WDPCP: variants seen among roughly 807,000 people sequenced by gnomAD.
WDPCP encodes the protein WD repeat-containing and planar cell polarity effector protein fritz homolog.
A neutral mutation model predicts 93.1 loss-of-function variants in WDPCP; 71 were observed. That is an observed-to-expected ratio of 0.76 (90% CI 0.63 to 0.93). WDPCP has a LOEUF of 0.93. WDPCP is among the 40% of genes least tolerant of loss of function. The probability of loss-of-function intolerance (pLI) is 0.00; values close to 1 mark genes in which losing one functional copy is unlikely to be tolerated. For missense variants in WDPCP, 844 were observed against 887.4 expected (o/e 0.95, Z 0.62); for synonymous variants, 315 against 315.0 (o/e 1.00, Z 0.00).
chr2:63,657,957 G>A (rs931418356), intron 2 of WDPCP, among the ~76,000 whole-genome samples: 1 of 152,056 alleles, frequency 6.6e-6, no homozygotes, highest in Admixed American at 6.6e-5. Context: ...AATTTAAAAG[G>A]TTCCATCAAA....
intron 17 of WDPCP, among the ~76,000 whole-genome samples, chr2:63,125,527 A>G (rs985301348): frequency 2.6e-5 from 4 of 152,202 alleles, no homozygotes; most frequent in Admixed American, 2.0e-4. Flanking sequence ...TCCTGGGCTC[A>G]AGCACTTCCC....
chr2:63,428,357 T>G (rs920980730), intron 9 of WDPCP, among the ~76,000 whole-genome samples: 1 of 152,004 alleles, frequency 6.6e-6, no homozygotes, highest in African/African-American at 2.4e-5. Flanking sequence ...GAAAACCAAA[T>G]CCAGCAGTAC....
chr2:63,127,879 A>G (rs1670030023), intron 17 of WDPCP, among the ~76,000 whole-genome samples: 1 of 151,786 alleles, frequency 6.6e-6, no homozygotes, highest in Non-Finnish European at 1.5e-5. Context: ...GTGGCTCACG[A>G]CTGTAATCCC....
intron 13 of WDPCP, among the ~76,000 whole-genome samples, chr2:63,260,347 A>G (rs1681522272): frequency 6.6e-6 from 1 of 152,264 alleles, no homozygotes; most frequent in Non-Finnish European, 1.5e-5. Flanking sequence ...TGGGAAAAGA[A>G]TATGAACAAC....
intron 17 of WDPCP, among the ~76,000 whole-genome samples, chr2:63,146,752 T>G (rs1473072942): frequency 6.6e-6 from 1 of 152,162 alleles, no homozygotes; most frequent in African/African-American, 2.4e-5. Flanking sequence ...GCAACTTACT[T>G]TGAAATGTAT....
chr2:63,654,126 C>G (rs1710139313), intron 2 of WDPCP, among the ~76,000 whole-genome samples: 1 of 151,672 alleles, frequency 6.6e-6, no homozygotes, highest in South Asian at 2.1e-4. Flanking sequence ...GACACAGAAA[C>G]CTTGGGGTAA....
At chr2:63,381,735 T>C (rs1207172385) in intron 11 of WDPCP, among the ~76,000 whole-genome samples, 171 bp downstream of exon 11, 2 of 152,190 alleles carry the variant, frequency 1.3e-5, no homozygotes, top group Non-Finnish European at 2.9e-5. Flanking sequence ...CAGTAAGTAC[T>C]ATATGGGAGC....
At chr2:63,434,046 T>C (rs1696963206) in intron 8 of WDPCP, 110 bp from the exon 9 acceptor site, 1 of 1,117,328 alleles carries the variant, frequency 8.9e-7, no homozygotes, top group South Asian at 1.4e-5. Context: ...CAAGTAAATA[T>C]GCATGTTAAA....
At chr2:63,529,609 C>T (rs576552846) in intron 1 of WDPCP, among the ~76,000 whole-genome samples, 12 of 152,258 alleles carry the variant, frequency 7.9e-5, no homozygotes, top group South Asian at 2.1e-4. Context: ...CTGCTGGATT[C>T]GGTTTGCCAG....
chr2:63,131,119 G>A (rs1400480862), intron 17 of WDPCP, among the ~76,000 whole-genome samples: 2 of 152,090 alleles, frequency 1.3e-5, no homozygotes, highest in Admixed American at 1.3e-4. Context: ...GAGTGTTAGA[G>A]TTTTTAAAAA....
chr2:63,742,941 G>A (rs777818216), intron 2 of WDPCP, among the ~76,000 whole-genome samples: 8 of 151,842 alleles, frequency 5.3e-5, no homozygotes, highest in Admixed American at 1.3e-4. Context: ...GACACATGAC[G>A]CAGGTGAACG....
chr2:63,535,712 C>T (rs991379363), intron 1 of WDPCP, among the ~76,000 whole-genome samples: 5 of 152,152 alleles, frequency 3.3e-5, no homozygotes, highest in Admixed American at 6.5e-5. Context: ...AAAATTAATT[C>T]GAGATGGATT....
In WDPCP at chr2:63,334,305, C is replaced by T. The variant is rs535902421; in HGVS notation, c.1749-20994G>A. ...GTTTATTCTGCCAAAGTTGAGGATG[C>T]GTGCCTGTAACACAGCATCAGAAGG... is the stretch of plus-strand genomic sequence containing the variant. On this transcript the variant is annotated intron_variant, in intron 12 of 17. Transcript: ENST00000272321. Among the ~76,000 whole-genome samples the T allele has an allele frequency of 2.0e-4, 30 of 152,228 alleles. 1 individual carries two copies. Among genetic ancestry groups the T allele is most frequent in the African/African-American group, 5.3e-4 (22 of 41,536 alleles).
chr2:63,412,977 C>T (rs563101877), intron 9 of WDPCP, among the ~76,000 whole-genome samples: 1 of 152,248 alleles, frequency 6.6e-6, no homozygotes, highest in South Asian at 2.1e-4. Context: ...AATCCAATCC[C>T]CATCAAAATA....
chr2:63,429,945 T>C (rs968392952), intron 9 of WDPCP, among the ~76,000 whole-genome samples: 1 of 149,542 alleles, frequency 6.7e-6, no homozygotes, highest in African/African-American at 2.5e-5. Context: ...CAGGTGCCCA[T>C]CGAATGGTGG....
intron 3 of WDPCP, among the ~76,000 whole-genome samples, chr2:63,606,366 CCT>C (rs1423623897): frequency 6.6e-6 from 1 of 152,030 alleles, no homozygotes; most frequent in Non-Finnish European, 1.5e-5. Context: ...AGAACGGGAC[CCT>C]GTCCCCCAAA....
intron 2 of WDPCP, among the ~76,000 whole-genome samples, chr2:63,734,856 TGG>T (rs1427722756): frequency 1.4e-5 from 2 of 142,950 alleles, no homozygotes; most frequent in African/African-American, 5.3e-5. Context: ...GATAGATAGA[TGG>T]AGATAGATAG....
intron 2 of WDPCP, among the ~76,000 whole-genome samples, chr2:63,753,739 A>G (rs1010326882): frequency 1.3e-5 from 2 of 152,176 alleles, no homozygotes; most frequent in Non-Finnish European, 2.9e-5. Flanking sequence ...CCATGATCCA[A>G]TCACCTCCCA....
In WDPCP at chr2:63,536,074, A is replaced by G. The variant is rs548066145; in HGVS notation, c.76-43134T>C. Among the ~76,000 whole-genome samples the G allele has an allele frequency of 1.1e-3, 169 of 152,374 alleles. 2 individuals carry two copies. Among genetic ancestry groups the G allele is most frequent in the African/African-American group, 3.4e-3 (143 of 41,588 alleles). ...GAAGGATATTAACAGACACTTCTCAAAAGAAGACATCTATGCAGCCAATAG... is the reference window on the plus strand; with the variant it reads ...GAAGGATATTAACAGACACTTCTCAGAAGAAGACATCTATGCAGCCAATAG... On this transcript the variant is annotated intron_variant, in intron 1 of 17. Coordinates refer to ENST00000272321, the MANE Select transcript of WDPCP (RefSeq NM_015910.7).
Sources: allele counts gnomAD v4.1 joint callset (sites outside exome capture counted in the v4.1 genomes callset), GRCh38; gene constraint gnomAD v4.1.1; transcripts MANE v1.5; gene names NCBI Gene and HGNC (gene_info 2026-07-23, HGNC 2026-07-21).